TSC22D2: variants seen among roughly 807,000 people sequenced by gnomAD.
The protein encoded by TSC22D2 is TSC22 domain family member 2, also known as TSC22 domain family protein 2.
Under a neutral mutation model 50.1 loss-of-function variants are expected in TSC22D2, and 5 were observed. The ratio of observed to expected loss-of-function variants is 0.10; its 90% CI spans 0.05 to 0.21. TSC22D2 has a LOEUF of 0.21. Ranked by LOEUF, TSC22D2 falls within the 10% of genes least tolerant of loss-of-function variation. TSC22D2 has a pLI of 1.00. For missense variants in TSC22D2, 1,003 were observed against 1,015.5 expected (o/e 0.99, Z 0.17); for synonymous variants, 501 against 450.1 (o/e 1.11, Z -1.43).
intron 1 of TSC22D2, among the ~76,000 whole-genome samples, chr3:150,414,129 T>C (rs571367083): frequency 2.3e-4 from 35 of 152,342 alleles, no homozygotes; most frequent in African/African-American, 7.5e-4. Flanking sequence ...AGGCTGATGG[T>C]TGTATATGCA....
chr3:150,409,982 C>A lies in TSC22D2; in HGVS notation c.632C>A (p.Thr211Asn). Residue 211 changes from threonine to asparagine, a missense_variant, in exon 1 of 3, where the codon ACT becomes AAT. Physicochemically the swap from Thr to Asn is moderately conservative, Grantham distance 65. Around this residue, in one of 6 missense-constraint regions of TSC22D2, gnomAD observed 696 missense variants for 647.8 expected, o/e 1.07. Coordinates refer to ENST00000688009, the MANE Select transcript of TSC22D2 (RefSeq NM_001303264.2). This position sits in a 1 kb window ranked among gnomAD's most constrained non-coding sequence, Gnocchi z 7.4. Reference protein sequence around the residue: ...CIRHSSTFDQTAERDSGLGAT... With the variant: ...CIRHSSTFDQNAERDSGLGAT... ...AGACACAGCAGTACTTTTGACCAGA[C>A]TGCGGAGCGGGACAGCGGCCTGGGC... 6.2e-7 allele frequency: 1 copy of A among 1,613,856 alleles called. No homozygotes were observed. The highest frequency in any genetic ancestry group is 8.5e-7 in the Non-Finnish European group (1 of 1,180,036).
rs1045797675 is a variant in TSC22D2, at chr3:150,460,480, ACAAAC to A, written c.*1845_*1849del. Reference sequence around the variant, plus strand: ...AAAAATTTAATCAGATTAGCCACAAACAAACAAGGCATAAAATTGGGATGTACATG... The same window carrying A: ...AAAAATTTAATCAGATTAGCCACAAAAAGGCATAAAATTGGGATGTACATG... On this transcript the variant is annotated 3_prime_UTR_variant, in exon 3 of 3. Transcript: ENST00000688009. The A allele has an allele frequency of 5.4e-5, 8 of 147,030 alleles. No individual in the cohort carries two copies. The highest frequency in any genetic ancestry group is 1.7e-4 in the African/African-American group (7 of 41,150). The allele number at this position is 147,030 out of a possible 1,614,324, so 9.1% of individuals were successfully genotyped here. A position where few individuals can be genotyped will look rare whatever the true frequency, so the allele number is the denominator to read the frequency against.
intron 1 of TSC22D2, among the ~76,000 whole-genome samples, chr3:150,435,583 T>G (rs2108083685): frequency 6.6e-6 from 1 of 152,300 alleles, no homozygotes; most frequent in African/African-American, 2.4e-5. Context: ...CTGGCTATAT[T>G]AGTGGGTAGT....
chr3:150,443,561 A>G (rs950992017), intron 1 of TSC22D2, among the ~76,000 whole-genome samples: 7 of 152,222 alleles, frequency 4.6e-5, no homozygotes, highest in African/African-American at 7.2e-5. Context: ...CTGATCCTCA[A>G]TGTAAAAAGA....
chr3:150,423,342 A>G (rs762980512), intron 1 of TSC22D2: 16 of 321,092 alleles, frequency 5.0e-5, no homozygotes, highest in African/African-American at 1.3e-4. Flanking sequence ...AAGTATATCT[A>G]TATTTTTGAA....
Position 150,458,424 on chromosome 3 carries a change from G to A in TSC22D2, c.2059G>A (p.Val687Ile). ...LMYAVREEVE[V>I]LKEQIKELVE... ...GTATGCAGTAAGAGAAGAAGTGGAA[G>A]TTTTAAAGGAACAAATAAAAGAATT... Residue 687 changes from valine (V) to isoleucine (I), a missense_variant, in exon 3 of 3, where the codon GTT becomes ATT. By Grantham distance (29) the Val-to-Ile change is conservative. Around this residue, in one of 6 missense-constraint regions of TSC22D2, gnomAD observed 17 missense variants for 57.7 expected, o/e 0.29. Transcript: ENST00000688009. 1 of 1,614,118 alleles carries A rather than the reference G, an allele frequency of 6.2e-7. No homozygotes were observed. The highest frequency in any genetic ancestry group is 2.2e-5 in the East Asian group (1 of 44,880).
At chr3:150,431,646 T>C (rs1720385013) in intron 1 of TSC22D2, among the ~76,000 whole-genome samples, 1 of 152,212 alleles carries the variant, frequency 6.6e-6, no homozygotes, top group Non-Finnish European at 1.5e-5. Flanking sequence ...CTTGCTTAGC[T>C]AGTTTGTACT....
At chr3:150,450,818 T>C (rs1336910287) in intron 1 of TSC22D2, among the ~76,000 whole-genome samples, 1 of 152,292 alleles carries the variant, frequency 6.6e-6, no homozygotes, top group East Asian at 1.9e-4. Flanking sequence ...TTTCTTAATT[T>C]TCTTTCTAAA....
intron 2 of TSC22D2, among the ~76,000 whole-genome samples, chr3:150,458,094 ACTT>A (rs1201924582): frequency 6.6e-6 from 1 of 151,378 alleles, no homozygotes; most frequent in East Asian, 1.9e-4. Context: ...GTGATTTTAA[ACTT>A]TTTTTTTTTT....
Position 150,410,286 on chromosome 3 carries a change from C to T in TSC22D2, c.936C>T (p.Ser312=). The T allele has an allele frequency of 6.4e-7, 1 of 1,561,350 alleles. No homozygotes were observed. Among genetic ancestry groups the T allele is most frequent in the South Asian group, 1.2e-5 (1 of 84,472 alleles). Reference sequence around the variant, plus strand: ...CAATGATGGCAGCCGCGCAGCCCAGCCAGCCCCAGGGAGCGGGGCCCGGGG... The same window carrying T: ...CAATGATGGCAGCCGCGCAGCCCAGTCAGCCCCAGGGAGCGGGGCCCGGGG... ...PQPMMAAAQP[S]QPQGAGPGGQ... Residue 312 remains serine, a synonymous_variant, in exon 1 of 3, where the codon AGC becomes AGT. Transcript: ENST00000688009.
intron 1 of TSC22D2, among the ~76,000 whole-genome samples, chr3:150,416,959 A>G (rs1180188691): frequency 2.0e-5 from 3 of 152,098 alleles, no homozygotes; most frequent in Non-Finnish European, 4.4e-5. Context: ...TTTTTGTTTA[A>G]AAAGAAAAAG....
rs773725619 is a variant in TSC22D2 at position 150,409,523 on chromosome 3, G to T, written c.173G>T (p.Gly58Val). Residue 58 changes from glycine (G) to valine (V), a missense_variant, in exon 1 of 3, where the codon GGC becomes GTC. By Grantham distance (109) the Gly-to-Val change is moderately radical. This residue lies in a region of TSC22D2 where 200 missense variants were observed against 182.8 expected (regional missense o/e 1.09). Transcript: ENST00000688009. The surrounding 1 kb of genome is among the most constrained non-coding windows in gnomAD (Gnocchi z 7.4). ...GACGTCTCTCGGGCCACGGATTATG[G>T]CCCTGAGGAGGTCTGCGAGCGCAGC... Reference protein sequence around the residue: ...IFDVSRATDYGPEEVCERSSS... With the variant: ...IFDVSRATDYVPEEVCERSSS... 9 of 1,609,836 alleles carry T rather than the reference G, an allele frequency of 5.6e-6. No individual in the cohort carries two copies. The highest frequency in any genetic ancestry group is 7.6e-6 in the Non-Finnish European group (9 of 1,176,890).
chr3:150,435,400 A>G (rs935498659), intron 1 of TSC22D2, among the ~76,000 whole-genome samples: 4 of 152,108 alleles, frequency 2.6e-5, no homozygotes, highest in Admixed American at 1.3e-4. Flanking sequence ...TATTTTTTCA[A>G]TATATATAAC....
At chr3:150,457,376 G>C (rs925620545) in intron 2 of TSC22D2, among the ~76,000 whole-genome samples, 4 of 152,160 alleles carry the variant, frequency 2.6e-5, no homozygotes, top group Non-Finnish European at 5.9e-5. Context: ...AGGGCCATTG[G>C]TGAGGGGGCA....
rs938832053 is a variant in TSC22D2 at position 150,462,754 on chromosome 3, C to G, written c.*4118C>G. ...GTTCAAGCGATTCTCCTGCCTCAGC[C>G]TCCTGAGTAGCTGGGATTACAGGCG... On this transcript the variant is annotated 3_prime_UTR_variant, in exon 3 of 3. Transcript: ENST00000688009. The G allele has an allele frequency of 1.3e-5, 2 of 152,104 alleles. No individual in the cohort carries two copies. The highest frequency in any genetic ancestry group is 6.6e-5 in the Admixed American group (1 of 15,186). The allele number at this position is 152,104 out of a possible 1,614,324, so 9.4% of individuals were successfully genotyped here. A position where few individuals can be genotyped will look rare whatever the true frequency, so the allele number is the denominator to read the frequency against.
chr3:150,438,156 G>C (rs1309859749), intron 1 of TSC22D2: 1 of 339,868 alleles, frequency 2.9e-6, no homozygotes, highest in Non-Finnish European at 6.5e-6. Context: ...ATTTTTAAAG[G>C]CTATTTGATT....
intron 1 of TSC22D2, chr3:150,423,103 A>G (rs1237618524): frequency 1.9e-6 from 3 of 1,612,718 alleles, no homozygotes; most frequent in Non-Finnish European, 2.5e-6. Context: ...TAAAGGAATC[A>G]AAGAGCCTCT....
intron 1 of TSC22D2, among the ~76,000 whole-genome samples, chr3:150,423,787 G>T (rs79508928): frequency 1.0e-3 from 155 of 152,270 alleles, no homozygotes; most frequent in African/African-American, 3.7e-3. Context: ...AGTAGTGTAT[G>T]CTCTGTTCAA....
At chr3:150,423,838 TTTAA>T (rs1181727985) in intron 1 of TSC22D2, among the ~76,000 whole-genome samples, 1 of 152,228 alleles carries the variant, frequency 6.6e-6, no homozygotes, top group Non-Finnish European at 1.5e-5. Flanking sequence ...TCACTTTGTG[TTTAA>T]TTAATAGAAG....
Sources: allele counts gnomAD v4.1 joint callset (sites outside exome capture counted in the v4.1 genomes callset), GRCh38; gene constraint gnomAD v4.1.1; regional missense constraint gnomAD v4.1.1; non-coding constraint Gnocchi (gnomAD v3.1); transcripts MANE v1.5; gene names NCBI Gene and HGNC (gene_info 2026-07-23, HGNC 2026-07-21).